KIAA0232: variants seen among roughly 807,000 people sequenced by gnomAD.
KIAA0232 encodes the protein uncharacterized protein KIAA0232.
Under a neutral mutation model 122.0 loss-of-function variants are expected in KIAA0232, and 27 were observed. The observed-to-expected ratio is 0.22, with a 90% CI of 0.16 to 0.31. KIAA0232 has a LOEUF of 0.31. Ranked by LOEUF, KIAA0232 falls within the 10% of genes least tolerant of loss-of-function variation. KIAA0232 has a pLI of 1.00. For missense variants in KIAA0232, 1,551 were observed against 1,634.2 expected (o/e 0.95, Z 0.88); for synonymous variants, 613 against 587.6 (o/e 1.04, Z -0.63).
intron 2 of KIAA0232, 141 bp from the exon 3 acceptor site, chr4:6,824,044 A>G (rs1577374544): frequency 2.7e-6 from 1 of 367,478 alleles, no homozygotes. Context: ...ATCAAAGATG[A>G]TGGGGGGAAA....
At chr4:6,867,261 C>T (rs76412263) in intron 7 of KIAA0232, among the ~76,000 whole-genome samples, 1 of 152,138 alleles carries the variant, frequency 6.6e-6, no homozygotes, top group African/African-American at 2.4e-5. Context: ...GCAGGAGAAC[C>T]CTTCCAGCCT....
intron 4 of KIAA0232, 54 bp downstream of exon 4, chr4:6,842,258 A>C (rs199854631): frequency 6.6e-7 from 1 of 1,523,618 alleles, no homozygotes; most frequent in Non-Finnish European, 8.8e-7. Flanking sequence ...GGGGTGATTT[A>C]AGTTTACAAA....
At chr4:6,806,282 T>A (rs955995393) in intron 2 of KIAA0232, among the ~76,000 whole-genome samples, 10 of 152,198 alleles carry the variant, frequency 6.6e-5, no homozygotes, top group African/African-American at 1.4e-4. Context: ...TAAAAAAAAA[T>A]TTTTAATATG....
At chr4:6,848,749 A>T in intron 4 of KIAA0232, among the ~76,000 whole-genome samples, 1 of 152,214 alleles carries the variant, frequency 6.6e-6, no homozygotes, top group East Asian at 1.9e-4. Flanking sequence ...TACAATGATA[A>T]CATTTATTGA....
At position 6,880,948 on chromosome 4, in the gene KIAA0232, T is replaced by C. The variant is rs148617528; in HGVS notation, c.4170T>C (p.Phe1390=). 451 of 1,562,338 alleles carry C rather than the reference T, an allele frequency of 2.9e-4. 2 individuals carry two copies. The African/African-American group carries it at 5.4e-3, about 19-fold the overall frequency. ...TGGGCCCTAGTGAAGAGGAGCTCTT[T>C]TCTCGAACTCATCTCTAAACCTGCA... The part of the protein sequence containing the change: ...EWVGPSEEEL[F]SRTHL The change falls in exon 10 of 10, where the codon TTT becomes TTC. Residue 1390 remains phenylalanine, a synonymous_variant. Coordinates refer to ENST00000307659, the MANE Select transcript of KIAA0232 (RefSeq NM_014743.3).
At chr4:6,787,017 C>A (rs538714952) in intron 1 of KIAA0232, among the ~76,000 whole-genome samples, 1 of 151,980 alleles carries the variant, frequency 6.6e-6, no homozygotes, top group South Asian at 2.1e-4. Context: ...CCCATCTCTA[C>A]TAAAAATACA....
At chr4:6,795,819 G>C (rs1303440420) in intron 1 of KIAA0232, among the ~76,000 whole-genome samples, 2 of 152,224 alleles carry the variant, frequency 1.3e-5, no homozygotes, top group African/African-American at 4.8e-5. Context: ...TCAAACTCCT[G>C]CTCTCATGCA....
Position 6,881,011 on chromosome 4 carries a change from G to A in KIAA0232, c.*45G>A. ...TTATTGTTTAAAAATGATATGTGAT[G>A]GAAAATTACTCTTCAGTGAGACCTG... On this transcript the variant is annotated 3_prime_UTR_variant, in exon 10 of 10. Transcript: ENST00000307659. The A allele has an allele frequency of 4.5e-6, 6 of 1,328,604 alleles. No individual in the cohort carries two copies. Among genetic ancestry groups the A allele is most frequent in the South Asian group, 4.1e-5 (2 of 49,024 alleles). The allele number at this position is 1,328,604 out of a possible 1,614,324, so 82.3% of individuals were successfully genotyped here. A position where few individuals can be genotyped will look rare whatever the true frequency, so the allele number is the denominator to read the frequency against.
In KIAA0232 at chr4:6,880,972, C is replaced by G. The variant is rs753953627; in HGVS notation, c.*6C>G. The G allele has an allele frequency of 6.8e-7, 1 of 1,472,838 alleles. No individual in the cohort carries two copies. The highest frequency in any genetic ancestry group is 9.1e-7 in the Non-Finnish European group (1 of 1,104,778). The allele number at this position is 1,472,838 out of a possible 1,614,324, so 91.2% of individuals were successfully genotyped here. On this transcript the variant is annotated 3_prime_UTR_variant, in exon 10 of 10. Coordinates refer to ENST00000307659, the MANE Select transcript of KIAA0232 (RefSeq NM_014743.3). ...TTTCTCGAACTCATCTCTAAACCTG[C>G]AAAATAGTACAAATTATTGTTTAAA...
chr4:6,792,713 A>G (rs552310460), intron 1 of KIAA0232, among the ~76,000 whole-genome samples: 9 of 138,272 alleles, frequency 6.5e-5, no homozygotes, highest in South Asian at 2.3e-4. Flanking sequence ...TTTTTGAGAC[A>G]GAGTCTCACT....
chr4:6,785,951 C>G (rs1716601847), intron 1 of KIAA0232, among the ~76,000 whole-genome samples: 1 of 152,230 alleles, frequency 6.6e-6, no homozygotes, highest in Non-Finnish European at 1.5e-5. Context: ...CCCACTCCCT[C>G]CAGTTCTTAA....
At chr4:6,789,431 G>A (rs1443906186) in intron 1 of KIAA0232, among the ~76,000 whole-genome samples, 2 of 151,928 alleles carry the variant, frequency 1.3e-5, no homozygotes, top group Admixed American at 1.3e-4. Flanking sequence ...GTGCCACCAT[G>A]CCCGGCTAAT....
intron 3 of KIAA0232, among the ~76,000 whole-genome samples, chr4:6,824,991 T>G (rs1174988956): frequency 1.3e-5 from 2 of 152,234 alleles, no homozygotes; most frequent in African/African-American, 2.4e-5. Flanking sequence ...TGAGTAGCAG[T>G]GCTCTGGAAT....
intron 2 of KIAA0232, among the ~76,000 whole-genome samples, chr4:6,805,488 C>T (rs1050544679): frequency 6.6e-6 from 1 of 152,126 alleles, no homozygotes; most frequent in African/African-American, 2.4e-5. Flanking sequence ...ATTTGTATTA[C>T]TTGGCTGTGG....
intron 2 of KIAA0232, among the ~76,000 whole-genome samples, chr4:6,822,926 C>A (rs1234776193): frequency 2.7e-5 from 3 of 110,842 alleles, no homozygotes; most frequent in Admixed American, 9.4e-5. Context: ...TATCCCTCCC[C>A]CCTCCCCCCA....
intron 4 of KIAA0232, among the ~76,000 whole-genome samples, chr4:6,856,732 A>T: frequency 6.6e-6 from 1 of 151,384 alleles, no homozygotes; most frequent in East Asian, 1.9e-4. Context: ...GCTCCTAGAG[A>T]ACTAAGATGA....
chr4:6,800,043 C>CTTTTTTTTTTTTTTTTTT lies in KIAA0232; in HGVS notation c.-353-4465_-353-4448dup, dbSNP rs752428517. Among the ~76,000 whole-genome samples the CTTTTTTTTTTTTTTTTTT allele has an allele frequency of 2.5e-3, 153 of 60,056 alleles. 25 individuals carry two copies. The highest frequency in any genetic ancestry group is 3.3e-3 in the Non-Finnish European group (93 of 28,086). 39.4% of individuals were successfully genotyped at this position (60,056 alleles called of 152,430 possible). On this transcript the variant is annotated intron_variant, in intron 1 of 9. Coordinates refer to ENST00000307659, the MANE Select transcript of KIAA0232 (RefSeq NM_014743.3). ...TTTCTTTTTCTTTCTTTCTTTCTTT[C>CTTTTTTTTTTTTTTTTTT]TTTTTTTTTTTTTTTTTTTTTTTTT... is the stretch of plus-strand genomic sequence containing the variant.
chr4:6,819,344 T>G (rs1171490239), intron 2 of KIAA0232, among the ~76,000 whole-genome samples: 1 of 152,050 alleles, frequency 6.6e-6, no homozygotes, highest in Non-Finnish European at 1.5e-5. Flanking sequence ...GGAGAAAATA[T>G]TTGCAAACTG....
Position 6,871,633 on chromosome 4 carries a change from G to C in KIAA0232, c.3861G>C (p.Trp1287Cys), listed in dbSNP as rs1307902782. ...GMNRSQEKQT[W>C]WEKALYSPLF... Reference sequence around the variant, plus strand: ...ATAGAAGTCAAGAAAAACAGACCTGGTGGGAAAAAGCCTTGTACTCTCCTC... The same window carrying C: ...ATAGAAGTCAAGAAAAACAGACCTGCTGGGAAAAAGCCTTGTACTCTCCTC... The change falls in exon 8 of 10, where the codon TGG (tryptophan) becomes TGC (cysteine). Residue 1287 changes from tryptophan to cysteine, a missense_variant. Around this residue, in one of 5 missense-constraint regions of KIAA0232, gnomAD observed 1,108 missense variants for 1,154.8 expected, o/e 0.96. Coordinates refer to ENST00000307659, the MANE Select transcript of KIAA0232 (RefSeq NM_014743.3). 1.9e-6 allele frequency: 3 copies of C among 1,612,894 alleles called. No homozygotes were observed. In the African/African-American group the frequency reaches 4.0e-5, roughly 22 times the overall value.
Sources: gnomAD v4.1 joint callset for allele counts (sites outside exome capture counted in the v4.1 genomes callset) on GRCh38, gnomAD v4.1.1 for gene constraint, gnomAD v4.1.1 regional missense constraint, MANE v1.5 for transcripts, NCBI Gene and HGNC (gene_info 2026-07-23, HGNC 2026-07-21) for gene names.